LMX1A: variants seen among roughly 807,000 people sequenced by gnomAD.
LMX1A encodes the protein LIM homeobox transcription factor 1 alpha.
LMX1A carries 15 observed loss-of-function variants against 49.1 expected under a neutral mutation model. The ratio of observed to expected loss-of-function variants is 0.31; its 90% CI spans 0.20 to 0.47. LMX1A has a LOEUF of 0.47. Among genes scored for constraint, LMX1A ranks in the 20% least tolerant of loss-of-function variants. The probability of loss-of-function intolerance (pLI) is 1.00; values close to 1 mark genes in which losing one functional copy is unlikely to be tolerated. For synonymous variants in LMX1A, 167 were observed against 185.7 expected, an observed-to-expected ratio of 0.90 and a Z score of 0.82; for missense variants, 372 against 475.8, an observed-to-expected ratio of 0.78 and a Z score of 2.03.
chr1:165,206,915 G>T (rs1334546838), intron 7 of LMX1A, among the ~76,000 whole-genome samples: 1 of 152,162 alleles, frequency 6.6e-6, no homozygotes, highest in Non-Finnish European at 1.5e-5. Flanking sequence ...ACTCTTGGCT[G>T]CAAGAGTCAA....
intron 4 of LMX1A, among the ~76,000 whole-genome samples, chr1:165,241,958 AT>A (rs1324019675): frequency 6.6e-6 from 1 of 152,202 alleles, no homozygotes; most frequent in Non-Finnish European, 1.5e-5. Context: ...AACATCCTAT[AT>A]CCCACAGAAA....
chr1:165,250,525 G>T (rs967315237), intron 3 of LMX1A, among the ~76,000 whole-genome samples: 11 of 152,204 alleles, frequency 7.2e-5, no homozygotes, highest in Non-Finnish European at 1.6e-4. Flanking sequence ...TTGAGAAACT[G>T]CATCCCAACT....
intron 3 of LMX1A, among the ~76,000 whole-genome samples, chr1:165,270,784 G>A (rs1443043233): frequency 6.6e-6 from 1 of 152,204 alleles, no homozygotes; most frequent in Non-Finnish European, 1.5e-5. Context: ...AGAATATTCT[G>A]TTAGGACCAG....
intron 3 of LMX1A, among the ~76,000 whole-genome samples, chr1:165,335,044 C>CTG (rs1414475925): frequency 6.6e-6 from 1 of 152,170 alleles, no homozygotes; most frequent in African/African-American, 2.4e-5. Flanking sequence ...AAGAGGTTTA[C>CTG]TGTGTGTTCA....
intron 4 of LMX1A, among the ~76,000 whole-genome samples, chr1:165,230,013 G>A (rs776533508): frequency 3.3e-5 from 5 of 152,176 alleles, no homozygotes; most frequent in Admixed American, 6.5e-5. Flanking sequence ...GGGAACCCTC[G>A]TGAATGCTTT....
At chr1:165,299,159 A>G (rs1167308950) in intron 3 of LMX1A, among the ~76,000 whole-genome samples, 4 of 152,226 alleles carry the variant, frequency 2.6e-5, no homozygotes, top group Non-Finnish European at 5.9e-5. Context: ...TCTTCTCTTC[A>G]GTATCTGCTC....
intron 3 of LMX1A, among the ~76,000 whole-genome samples, chr1:165,323,104 T>A (rs1437957215): frequency 1.3e-5 from 2 of 152,204 alleles, no homozygotes; most frequent in African/African-American, 4.8e-5. Flanking sequence ...GATCACTACT[T>A]ACTGTCTTAC....
intron 3 of LMX1A, among the ~76,000 whole-genome samples, chr1:165,326,577 G>A (rs2055680): frequency 0.86 from 131,431 of 152,184 alleles, 57,472 homozygotes; most frequent in East Asian, 0.94. Flanking sequence ...CTGAAGCCCA[G>A]CAAAGTCAAG....
intron 3 of LMX1A, among the ~76,000 whole-genome samples, chr1:165,291,516 C>G (rs1445024802): frequency 6.6e-6 from 1 of 152,182 alleles, no homozygotes; most frequent in Non-Finnish European, 1.5e-5. Flanking sequence ...GTCTAATCAT[C>G]TATGACTCTG....
chr1:165,353,893 A>C (rs1656511211), intron 2 of LMX1A, among the ~76,000 whole-genome samples: 1 of 152,208 alleles, frequency 6.6e-6, no homozygotes, highest in Admixed American at 6.5e-5. Flanking sequence ...GAAGCGTCAA[A>C]ACAGAGGGAG....
intron 3 of LMX1A, among the ~76,000 whole-genome samples, chr1:165,320,195 C>A (rs191102233): frequency 4.3e-4 from 65 of 152,228 alleles, no homozygotes; most frequent in African/African-American, 1.5e-3. Flanking sequence ...TTTCTAGGGG[C>A]TGACATTAAG....
At chr1:165,245,159 T>C (rs1652797211) in intron 4 of LMX1A, among the ~76,000 whole-genome samples, 1 of 152,064 alleles carries the variant, frequency 6.6e-6, no homozygotes, top group South Asian at 2.1e-4. Context: ...GTATACTGCA[T>C]GATGCTGAGG....
intron 4 of LMX1A, among the ~76,000 whole-genome samples, chr1:165,241,192 C>T (rs1652642654): frequency 6.6e-6 from 1 of 152,092 alleles, no homozygotes; most frequent in Non-Finnish European, 1.5e-5. Flanking sequence ...CCCTAGCCAC[C>T]CAAAATGACA....
intron 3 of LMX1A, among the ~76,000 whole-genome samples, chr1:165,322,065 A>C (rs1024657852): frequency 6.6e-6 from 1 of 152,224 alleles, no homozygotes; most frequent in Non-Finnish European, 1.5e-5. Context: ...GCTAATAAAC[A>C]TATGAAAATA....
At chr1:165,351,710 C>G (rs1227662993) in intron 3 of LMX1A, among the ~76,000 whole-genome samples, 1 of 152,198 alleles carries the variant, frequency 6.6e-6, no homozygotes, top group Admixed American at 6.5e-5. Context: ...GGCAAAAAAG[C>G]GGAGTGGCAG....
chr1:165,343,422 T>C (rs865882449), intron 3 of LMX1A, among the ~76,000 whole-genome samples: 2 of 74,684 alleles, frequency 2.7e-5, no homozygotes, highest in African/African-American at 8.8e-5. Flanking sequence ...ATAATAATAA[T>C]AATAATAATA....
chr1:165,320,838 T>A (rs931599938), intron 3 of LMX1A, among the ~76,000 whole-genome samples: 39 of 152,084 alleles, frequency 2.6e-4, no homozygotes, highest in African/African-American at 9.2e-4. Flanking sequence ...ATGTGATAAG[T>A]CAGATACATT....
intron 3 of LMX1A, among the ~76,000 whole-genome samples, chr1:165,319,205 C>T (rs770023325): frequency 1.4e-4 from 21 of 152,180 alleles, no homozygotes; most frequent in African/African-American, 5.1e-4. Context: ...TATTTAAATA[C>T]TTAAGAAGTT....
intron 3 of LMX1A, among the ~76,000 whole-genome samples, chr1:165,330,755 C>T (rs1417664556): frequency 6.6e-6 from 1 of 152,148 alleles, no homozygotes; most frequent in Non-Finnish European, 1.5e-5. Flanking sequence ...ACTAGAACAA[C>T]CAGGGCACCG....
Sources: gnomAD v4.1 joint callset for allele counts (sites outside exome capture counted in the v4.1 genomes callset) on GRCh38, gnomAD v4.1.1 for gene constraint, MANE v1.5 for transcripts, NCBI Gene and HGNC (gene_info 2026-07-23, HGNC 2026-07-21) for gene names.